The following MGAT4A variants were observed in gnomAD, a reference collection of about 807,000 sequenced individuals.
The protein encoded by MGAT4A is alpha-1,3-mannosyl-glycoprotein 4-beta-N-acetylglucosaminyltransferase A.
A neutral mutation model predicts 74.1 loss-of-function variants in MGAT4A; 33 were observed. The observed-to-expected ratio is 0.45, with a 90% CI of 0.34 to 0.60. The LOEUF (loss-of-function observed/expected upper bound fraction) is 0.60. Among genes scored for constraint, MGAT4A ranks in the 20% least tolerant of loss-of-function variants. MGAT4A has a pLI of 0.02. For missense variants in MGAT4A, 479 were observed against 628.3 expected (o/e 0.76, Z 2.54); for synonymous variants, 198 against 210.4 (o/e 0.94, Z 0.51).
chr2:98,626,188 C>T (rs973330188), intron 14 of MGAT4A, among the ~76,000 whole-genome samples: 2 of 152,186 alleles, frequency 1.3e-5, no homozygotes, highest in Non-Finnish European at 2.9e-5. Context: ...TCTGTACCAT[C>T]ACGCAGTCTG....
intron 2 of MGAT4A, among the ~76,000 whole-genome samples, chr2:98,689,222 A>C (rs1268135041): frequency 6.6e-6 from 1 of 152,220 alleles, no homozygotes; most frequent in Non-Finnish European, 1.5e-5. Context: ...TGCTGAAAAC[A>C]ACTGGGAATT....
At chr2:98,631,633 C>T (rs1259509582) in intron 14 of MGAT4A, among the ~76,000 whole-genome samples, 1 of 152,212 alleles carries the variant, frequency 6.6e-6, no homozygotes, top group Non-Finnish European at 1.5e-5. Context: ...TTGGCCAGGG[C>T]AGTCGGAGGA....
chr2:98,716,769 T>C (rs1339380615), intron 2 of MGAT4A, among the ~76,000 whole-genome samples: 1 of 152,166 alleles, frequency 6.6e-6, no homozygotes, highest in Non-Finnish European at 1.5e-5. Flanking sequence ...CTCTGATATA[T>C]GACACAGTAT....
chr2:98,730,886 G>C (rs918012153), intron 1 of MGAT4A, among the ~76,000 whole-genome samples, 162 bp downstream of exon 1: 2 of 146,024 alleles, frequency 1.4e-5, no homozygotes, highest in African/African-American at 5.0e-5. Context: ...GCTCCGGCCG[G>C]GCCGCGGCGC....
intron 2 of MGAT4A, among the ~76,000 whole-genome samples, chr2:98,700,969 A>C (rs1702349018): frequency 6.6e-6 from 1 of 152,182 alleles, no homozygotes; most frequent in South Asian, 2.1e-4. Flanking sequence ...TTCTTAAAAA[A>C]ATTAGTGAAA....
chr2:98,726,354 TC>T lies in MGAT4A; in HGVS notation c.-23del. 1 of 1,597,926 alleles carries T rather than the reference TC, an allele frequency of 6.3e-7. No individual in the cohort carries two copies. Among genetic ancestry groups the T allele is most frequent in the Non-Finnish European group, 8.6e-7 (1 of 1,166,690 alleles). ...TCATCTCATTTCACCATCACACTGG[TC>T]CATATGTTTATGATGACAACAACCA... On this transcript the variant is annotated 5_prime_UTR_variant, in exon 2 of 16. It introduces an in-frame stop codon into an upstream open reading frame of the 5' UTR. Transcript: ENST00000393487.
intron 4 of MGAT4A, among the ~76,000 whole-genome samples, chr2:98,663,726 AG>A (rs1309389565): frequency 1.3e-5 from 2 of 152,246 alleles, no homozygotes; most frequent in African/African-American, 4.8e-5. Flanking sequence ...GAAAAGACTA[AG>A]GAACCACGAC....
chr2:98,643,903 C>A lies in MGAT4A; in HGVS notation c.1020+20G>T. 6.7e-7 allele frequency: 1 copy of A among 1,494,698 alleles called. No individual in the cohort carries two copies. The allele number at this position is 1,494,698 out of a possible 1,614,324, so 92.6% of individuals were successfully genotyped here. ...ATACAGAAGTGAAACTCCCTCCACTCTGGTGAGGAATTAACTTACTGCATC... is the reference window on the plus strand; with the variant it reads ...ATACAGAAGTGAAACTCCCTCCACTATGGTGAGGAATTAACTTACTGCATC... On this transcript the variant is annotated intron_variant, in intron 10 of 15. Coordinates refer to ENST00000393487, the MANE Select transcript of MGAT4A (RefSeq NM_012214.3).
chr2:98,684,334 T>A (rs1176176822), intron 2 of MGAT4A, among the ~76,000 whole-genome samples: 1 of 152,358 alleles, frequency 6.6e-6, no homozygotes, highest in East Asian at 1.9e-4. Flanking sequence ...GGAACTTTCA[T>A]ACTACCATCT....
intron 12 of MGAT4A, among the ~76,000 whole-genome samples, chr2:98,637,146 C>CA (rs1256692394): frequency 2.0e-5 from 3 of 151,686 alleles, no homozygotes; most frequent in African/African-American, 4.8e-5. Context: ...CTCGTCGCTA[C>CA]AAAAAAATTA....
At chr2:98,713,450 TAA>T (rs796083746) in intron 2 of MGAT4A, among the ~76,000 whole-genome samples, 5 of 126,898 alleles carry the variant, frequency 3.9e-5, no homozygotes, top group African/African-American at 5.8e-5. Flanking sequence ...AATCTAATCT[TAA>T]AAAAAAAAAA....
At chr2:98,665,333 CAAAAAA>C (rs3067257) in intron 4 of MGAT4A, among the ~76,000 whole-genome samples, 3 of 114,892 alleles carry the variant, frequency 2.6e-5, no homozygotes, top group African/African-American at 3.6e-5. Flanking sequence ...CATCTCATCT[CAAAAAA>C]AAAAAAAAAA....
intron 2 of MGAT4A, among the ~76,000 whole-genome samples, chr2:98,680,865 A>G (rs1456584768): frequency 1.3e-5 from 2 of 152,228 alleles, no homozygotes; most frequent in Non-Finnish European, 2.9e-5. Context: ...TTTTTACTGA[A>G]GTCTATAATA....
At chr2:98,662,890 C>T (rs1197388835) in intron 5 of MGAT4A, among the ~76,000 whole-genome samples, 156 bp downstream of exon 5, 2 of 152,120 alleles carry the variant, frequency 1.3e-5, no homozygotes, top group Non-Finnish European at 2.9e-5. Context: ...GAAGTGAGTT[C>T]AATTTACATT....
chr2:98,631,010 G>A (rs966843383), intron 14 of MGAT4A, among the ~76,000 whole-genome samples: 1 of 152,204 alleles, frequency 6.6e-6, no homozygotes, highest in African/African-American at 2.4e-5. Context: ...GACGGCCAAG[G>A]GCTACAGCCG....
Position 98,627,864 on chromosome 2 carries a change from G to T in MGAT4A, c.1469-2029C>A, listed in dbSNP as rs143976207. On this transcript the variant is annotated intron_variant, in intron 14 of 15. Transcript: ENST00000393487. ...TTTCTGACAAAAATTCACAGCATTTGTGATGGCTAAGTCCATGAGAGTGAA... is the reference window on the plus strand; with the variant it reads ...TTTCTGACAAAAATTCACAGCATTTTTGATGGCTAAGTCCATGAGAGTGAA... Among the ~76,000 whole-genome samples, 217 of 152,350 alleles carry T rather than the reference G, an allele frequency of 1.4e-3. 1 individual carries two copies. The highest frequency in any genetic ancestry group is 5.1e-3 in the African/African-American group (211 of 41,586).
At chr2:98,717,895 T>C (rs758285380) in intron 2 of MGAT4A, among the ~76,000 whole-genome samples, 22 of 152,254 alleles carry the variant, frequency 1.4e-4, no homozygotes, top group Non-Finnish European at 2.5e-4. Flanking sequence ...GCCAGAATGA[T>C]GACGGCGTAT....
In MGAT4A at chr2:98,686,117, T is replaced by C. The variant is rs138465014; in HGVS notation, c.95-7646A>G. On this transcript the variant is annotated intron_variant, in intron 2 of 15. Transcript: ENST00000393487. ...ACACCAGTTTCAAAGGTCTCTTACATGGCATTATCAAGATTATTCTGGTTT... is the reference window on the plus strand; with the variant it reads ...ACACCAGTTTCAAAGGTCTCTTACACGGCATTATCAAGATTATTCTGGTTT... 2.1e-4 allele frequency among the ~76,000 whole-genome samples: 32 copies of C among 152,268 alleles called. No individual in the cohort carries two copies. In the East Asian group the frequency reaches 6.0e-3, roughly 28 times the overall value.
At chr2:98,653,132 AT>A (rs141919336) in intron 8 of MGAT4A, among the ~76,000 whole-genome samples, 12,880 of 142,754 alleles carry the variant, frequency 0.09, 849 homozygotes, top group Non-Finnish European at 0.13. Context: ...AAAAAAAAAA[AT>A]ATACCAAAAT....
Sources: gnomAD v4.1 joint callset for allele counts (sites outside exome capture counted in the v4.1 genomes callset) on GRCh38, gnomAD v4.1.1 for gene constraint, MANE v1.5 for transcripts, NCBI Gene and HGNC (gene_info 2026-07-23, HGNC 2026-07-21) for gene names.